PPP4R3B: variants seen among roughly 807,000 people sequenced by gnomAD.
The protein encoded by PPP4R3B is protein phosphatase 4 regulatory subunit 3B.
In PPP4R3B, 52 loss-of-function variants were observed where a neutral mutation model predicts 95.4. The observed-to-expected ratio is 0.54, with a 90% CI of 0.44 to 0.69. The LOEUF (loss-of-function observed/expected upper bound fraction) is 0.69. PPP4R3B is among the 30% of genes least tolerant of loss of function. The probability of loss-of-function intolerance (pLI) is 0.00; values close to 1 mark genes in which losing one functional copy is unlikely to be tolerated. For synonymous variants in PPP4R3B, 407 were observed against 343.9 expected (o/e 1.18, Z -2.03); for missense variants, 1,003 against 1,005.9 (o/e 1.00, Z 0.04).
chr2:55,602,958 C>CTTT (rs760532917), intron 3 of PPP4R3B, among the ~76,000 whole-genome samples: 3 of 146,208 alleles, frequency 2.1e-5, no homozygotes, highest in Non-Finnish European at 4.6e-5. Flanking sequence ...AGGACGAATA[C>CTTT]TCTTTTTTTT....
chr2:55,585,038 C>A lies in PPP4R3B; in HGVS notation c.1233+13G>T. 6.3e-7 allele frequency: 1 copy of A among 1,583,722 alleles called. No homozygotes were observed. The highest frequency in any genetic ancestry group is 1.1e-5 in the South Asian group (1 of 89,172). Reference sequence around the variant, plus strand: ...ACAGGTAATTCACATAGAACCACAGCATTATTACTTACGTCATCACTCTGC... The same window carrying A: ...ACAGGTAATTCACATAGAACCACAGAATTATTACTTACGTCATCACTCTGC... On this transcript the variant is annotated intron_variant, in intron 7 of 16. Coordinates refer to ENST00000616407, the MANE Select transcript of PPP4R3B (RefSeq NM_001122964.3).
intron 7 of PPP4R3B, 83 bp from the exon 8 acceptor site, chr2:55,581,781 A>G: frequency 2.8e-6 from 4 of 1,445,208 alleles, no homozygotes; most frequent in Non-Finnish European, 3.7e-6. Flanking sequence ...CTGAAAGAGC[A>G]AAGTGAGAAT....
chr2:55,586,325 CAA>C (rs1690136891), intron 6 of PPP4R3B, among the ~76,000 whole-genome samples: 1 of 152,076 alleles, frequency 6.6e-6, no homozygotes, highest in Non-Finnish European at 1.5e-5. Context: ...GATCTAAAAA[CAA>C]AAGATATTTT....
At chr2:55,567,837 C>G (rs1055759252) in intron 13 of PPP4R3B, among the ~76,000 whole-genome samples, 2 of 152,074 alleles carry the variant, frequency 1.3e-5, no homozygotes, top group Non-Finnish European at 2.9e-5. Flanking sequence ...TCCACATACA[C>G]CAAATGAGAT....
At chr2:55,574,816 G>A (rs776996366) in intron 11 of PPP4R3B, among the ~76,000 whole-genome samples, 11 of 151,342 alleles carry the variant, frequency 7.3e-5, no homozygotes, top group Non-Finnish European at 1.2e-4. Context: ...GGATGGTCTC[G>A]ATCTCCTGAC....
intron 12 of PPP4R3B, among the ~76,000 whole-genome samples, chr2:55,573,096 A>T (rs1688218398): frequency 2.0e-5 from 3 of 152,178 alleles, no homozygotes. Flanking sequence ...AAAAATAAAG[A>T]TTAGGGAGAT....
intron 12 of PPP4R3B, 89 bp from the exon 13 acceptor site, chr2:55,568,452 T>G: frequency 9.6e-7 from 1 of 1,039,126 alleles, no homozygotes; most frequent in Non-Finnish European, 1.3e-6. Context: ...GCAATGTATA[T>G]GCTCTTCTAA....
chr2:55,603,981 A>G lies in PPP4R3B; in HGVS notation c.294T>C (p.Cys98=), dbSNP rs1416368539. 1 of 1,595,558 alleles carries G rather than the reference A, an allele frequency of 6.3e-7. No homozygotes were observed. The highest frequency in any genetic ancestry group is 8.5e-7 in the Non-Finnish European group (1 of 1,174,076). The part of the protein sequence containing the change: ...AGCDEIWEKI[C]QVQGKDPSVE... ...AATATTATAAAAAGAAACTTACCTGACAAATTTTTTCCCAGATCTCATCAC... is the reference window on the plus strand; with the variant it reads ...AATATTATAAAAAGAAACTTACCTGGCAAATTTTTTCCCAGATCTCATCAC... The change falls in exon 3 of 17, where the codon TGT becomes TGC. Residue 98 remains cysteine (C), a synonymous_variant. Transcript: ENST00000616407.
rs72803545 is a variant in PPP4R3B, at chr2:55,565,188, C to A, written c.1936-147G>T. The stretch of plus-strand genomic sequence containing the variant: ...AATGTAATGTCCTGGTTTCTTTACA[C>A]ATGAGTCAGGACTGCACAGAAAACT... On this transcript the variant is annotated intron_variant, in intron 13 of 16. Transcript: ENST00000616407. The A allele has an allele frequency of 5.9e-4, 354 of 604,336 alleles. 1 individual carries two copies. In the Middle Eastern group the frequency reaches 5.9e-3, roughly 10 times the overall value. 37.4% of individuals were successfully genotyped at this position (604,336 alleles called of 1,614,324 possible). A position where few individuals can be genotyped will look rare whatever the true frequency, so the allele number is the denominator to read the frequency against.
chr2:55,577,475 A>T, intron 10 of PPP4R3B, 119 bp from the exon 11 acceptor site: 1 of 1,068,786 alleles, frequency 9.4e-7, no homozygotes, highest in Non-Finnish European at 1.2e-6. Flanking sequence ...CCCTCAAAAT[A>T]ACCATAAAGA....
intron 4 of PPP4R3B, chr2:55,591,425 G>A: frequency 1.4e-6 from 1 of 689,940 alleles, no homozygotes; most frequent in South Asian, 6.5e-5. Flanking sequence ...CTACAGGCAT[G>A]AGCCACCATG....
chr2:55,591,905 C>A (rs72803576), intron 4 of PPP4R3B, among the ~76,000 whole-genome samples: 5,656 of 152,248 alleles, frequency 0.037, 142 homozygotes, highest in South Asian at 0.09. Context: ...ACTCCAAAAT[C>A]TCTGGTTCTC....
chr2:55,592,265 G>A lies in PPP4R3B; in HGVS notation c.922-3309C>T, dbSNP rs186628738. ...TGAGGTTCAAAAAGTGAACCTTTCT[G>A]AGGGTAGCTAGTGACAGATGGATTT... On this transcript the variant is annotated intron_variant, in intron 4 of 16. Coordinates refer to ENST00000616407, the MANE Select transcript of PPP4R3B (RefSeq NM_001122964.3). Among the ~76,000 whole-genome samples the A allele has an allele frequency of 3.2e-3, 484 of 152,308 alleles. 3 individuals are homozygous for A. Among genetic ancestry groups the A allele is most frequent in the Middle Eastern group, 0.014 (4 of 294 alleles).
intron 11 of PPP4R3B, among the ~76,000 whole-genome samples, chr2:55,575,402 G>A (rs1688549873): frequency 6.6e-6 from 1 of 152,080 alleles, no homozygotes; most frequent in African/African-American, 2.4e-5. Context: ...GGGCTCACAT[G>A]GACAATCATG....
Position 55,599,033 on chromosome 2 carries a change from C to T in PPP4R3B, c.304G>A (p.Gly102Ser), listed in dbSNP as rs778167810. 1 of 1,597,654 alleles carries T rather than the reference C, an allele frequency of 6.3e-7. No individual in the cohort carries two copies. Among genetic ancestry groups the T allele is most frequent in the South Asian group, 1.1e-5 (1 of 88,098 alleles). ...EIWEKICQVQ[G>S]KDPSVEVTQD... ...GTGACTTCCACTGATGGGTCTTTAC[C>T]TTGAACCTAAAAATATCCAAGTATA... Residue 102 changes from glycine (G) to serine (S), a missense_variant, in exon 4 of 17, where the codon GGT (glycine) becomes AGT (serine). Around this residue, in one of 3 missense-constraint regions of PPP4R3B, gnomAD observed 695 missense variants for 686.2 expected, o/e 1.01. Transcript: ENST00000616407.
chr2:55,554,581 T>C (rs1393503098), intron 16 of PPP4R3B, among the ~76,000 whole-genome samples: 1 of 152,254 alleles, frequency 6.6e-6, no homozygotes, highest in Non-Finnish European at 1.5e-5. Flanking sequence ...TAAAATCCTT[T>C]GTCCATTTTA....
At chr2:55,559,111 G>A (rs948636265) in intron 15 of PPP4R3B, 143 bp from the exon 16 acceptor site, 6 of 603,738 alleles carry the variant, frequency 9.9e-6, no homozygotes, top group Non-Finnish European at 1.7e-5. Context: ...ACTTTGGGAG[G>A]CTGAGGCAGG....
At chr2:55,571,209 C>T (rs1347614593) in intron 12 of PPP4R3B, among the ~76,000 whole-genome samples, 1 of 151,926 alleles carries the variant, frequency 6.6e-6, no homozygotes, top group Admixed American at 6.6e-5. Context: ...ACTCGAAAGG[C>T]TGAGGCAGGA....
intron 5 of PPP4R3B, 45 bp downstream of exon 5, chr2:55,588,834 C>A: frequency 7.5e-7 from 1 of 1,331,486 alleles, no homozygotes; most frequent in Non-Finnish European, 1.0e-6. Flanking sequence ...GCTGTGCATG[C>A]CAAAAGAATA....
Sources: gnomAD v4.1 joint callset for allele counts (sites outside exome capture counted in the v4.1 genomes callset) on GRCh38, gnomAD v4.1.1 for gene constraint, gnomAD v4.1.1 regional missense constraint, MANE v1.5 for transcripts, NCBI Gene and HGNC (gene_info 2026-07-23, HGNC 2026-07-21) for gene names.